The following DST variants were observed in gnomAD, a reference collection of about 807,000 sequenced individuals.
DST encodes bullous pemphigoid antigen.
In DST, 253 loss-of-function variants were observed where a neutral mutation model predicts 875.2. That is an observed-to-expected ratio of 0.29 (90% CI 0.26 to 0.32). DST has a LOEUF of 0.32. DST is among the 10% of genes least tolerant of loss of function. The pLI is 1.00. For missense variants in DST, 8,287 were observed against 9,111.6 expected (o/e 0.91, Z 3.68); for synonymous variants, 3,124 against 3,197.1 (o/e 0.98, Z 0.77).
At chr6:56,682,568 G>A (rs2099162025) in intron 9 of DST, among the ~76,000 whole-genome samples, 1 of 152,116 alleles carries the variant, frequency 6.6e-6, no homozygotes, top group Non-Finnish European at 1.5e-5. Context: ...GTCAATGACT[G>A]AAACACCAAT....
chr6:56,463,022 C>G, intron 102 of DST, 24 bp downstream of exon 102: 4 of 1,387,914 alleles, frequency 2.9e-6, no homozygotes, highest in Non-Finnish European at 2.0e-6. Context: ...AATGTTAAGA[C>G]TGGACTCTGG....
intron 61 of DST, among the ~76,000 whole-genome samples, chr6:56,538,181 G>C (rs981228927): frequency 2.0e-5 from 3 of 151,970 alleles, no homozygotes; most frequent in Admixed American, 6.6e-5. Flanking sequence ...GTAGAGACTG[G>C]GTCCCACTAT....
chr6:56,460,335 G>A (rs2094263766), intron 102 of DST, 81 bp from the exon 103 acceptor site: 1 of 1,483,734 alleles, frequency 6.7e-7, no homozygotes, highest in Admixed American at 1.7e-5. Flanking sequence ...CTTTACATAT[G>A]GGTGGAAACT....
At chr6:56,504,854 G>A (rs577321464) in intron 77 of DST, among the ~76,000 whole-genome samples, 2 of 151,616 alleles carry the variant, frequency 1.3e-5, no homozygotes, top group African/African-American at 2.4e-5. Context: ...TGCCACCATG[G>A]CTGGCTAATA....
intron 5 of DST, among the ~76,000 whole-genome samples, chr6:56,723,470 A>T (rs149277686): frequency 4.6e-5 from 7 of 152,290 alleles, no homozygotes; most frequent in Non-Finnish European, 8.8e-5. Context: ...AGGCTGAGGC[A>T]GGAGAATCGC....
intron 36 of DST, chr6:56,624,307 T>C (rs2098714847): frequency 3.1e-6 from 2 of 640,926 alleles, no homozygotes. Context: ...TGTAAAGTCA[T>C]GAAGTGAAAT....
At chr6:56,504,903 CTT>C (rs1029484588) in intron 77 of DST, among the ~76,000 whole-genome samples, 2 of 151,986 alleles carry the variant, frequency 1.3e-5, no homozygotes, top group South Asian at 2.1e-4. Flanking sequence ...TACTTCAGCT[CTT>C]GTTTTGACAG....
intron 8 of DST, among the ~76,000 whole-genome samples, chr6:56,700,889 A>G (rs954829280): frequency 1.3e-5 from 2 of 152,172 alleles, no homozygotes; most frequent in South Asian, 2.1e-4. Flanking sequence ...TTAATAGGGA[A>G]AAGCATTTTA....
At chr6:56,599,498 T>C (rs757087763) in intron 45 of DST, among the ~76,000 whole-genome samples, 1 of 152,090 alleles carries the variant, frequency 6.6e-6, no homozygotes. Context: ...GTGTGACCTA[T>C]GAAGAAACTG....
chr6:56,576,401 C>T (rs757672678), intron 50 of DST, among the ~76,000 whole-genome samples: 6 of 152,102 alleles, frequency 3.9e-5, no homozygotes, highest in African/African-American at 7.2e-5. Flanking sequence ...GTCTGAAATA[C>T]GGATCACAAT....
chr6:56,538,371 G>A (rs1015747271), intron 61 of DST, among the ~76,000 whole-genome samples: 1 of 134,376 alleles, frequency 7.4e-6, no homozygotes, highest in South Asian at 2.6e-4. Context: ...GTTTTACATC[G>A]ATATTAAGGT....
rs1355708345 is a variant in DST, at chr6:56,600,070, T to C, written c.11693A>G (p.Glu3898Gly). ...TGCTGATAGAAAACCAAATTCTACC[T>C]CTTGCTTGGACTGATATTTCTTTAA... Reference protein sequence around the residue: ...VELKKYQSKQEELQKDMQGSA... With the variant: ...VELKKYQSKQGELQKDMQGSA... The change falls in exon 45 of 104, where the codon GAG becomes GGG. Residue 3898 changes from glutamate (E) to glycine (G), a missense_variant and splice_region_variant. By Grantham distance (98) the Glu-to-Gly change is moderately conservative. Transcript: ENST00000680361. 6.2e-7 allele frequency: 1 copy of C among 1,610,124 alleles called. No individual in the cohort carries two copies. The highest frequency in any genetic ancestry group is 1.1e-5 in the South Asian group (1 of 90,220).
chr6:56,868,543 G>A (rs1220330134), intron 3 of DST, among the ~76,000 whole-genome samples: 1 of 152,064 alleles, frequency 6.6e-6, no homozygotes, highest in East Asian at 1.9e-4. Flanking sequence ...CTCTCCCAAT[G>A]CCACAACTCA....
At chr6:56,609,669 T>C (rs912475436) in intron 39 of DST, among the ~76,000 whole-genome samples, 1 of 152,130 alleles carries the variant, frequency 6.6e-6, no homozygotes, top group African/African-American at 2.4e-5. Context: ...AACACATATC[T>C]AGAAGGCAAA....
chr6:56,602,011 C>T (rs899553136), intron 43 of DST: 1 of 440,844 alleles, frequency 2.3e-6, no homozygotes, highest in African/African-American at 2.0e-5. Context: ...AAACATCTAC[C>T]TTAAAATATG....
chr6:56,874,798 C>T (rs1413979472), intron 3 of DST, among the ~76,000 whole-genome samples: 1 of 152,132 alleles, frequency 6.6e-6, no homozygotes, highest in Non-Finnish European at 1.5e-5. Flanking sequence ...AAGTAGATGC[C>T]AAAACTAACA....
intron 4 of DST, among the ~76,000 whole-genome samples, chr6:56,774,113 CAAA>C (rs59394529): frequency 2.0e-4 from 15 of 76,144 alleles, no homozygotes; most frequent in East Asian, 5.1e-4. Flanking sequence ...GATTCTGTCT[CAAA>C]AAAAAAAAAA....
At chr6:56,851,219 G>A (rs1317256149) in intron 4 of DST, 178 bp downstream of exon 4, 1 of 628,890 alleles carries the variant, frequency 1.6e-6, no homozygotes, top group Non-Finnish European at 2.7e-6. Context: ...CAGCAGGCAG[G>A]GCAAATGGCT....
rs571390395 is a variant in DST at position 56,864,563 on chromosome 6, T to C, written c.418-12959A>G. Among the ~76,000 whole-genome samples the C allele has an allele frequency of 8.6e-5, 13 of 151,548 alleles. No individual in the cohort carries two copies. In the South Asian group the frequency reaches 2.7e-3, roughly 31 times the overall value. ...CAGAGTGCTTCACCCAGCCCCATAA[T>C]TAACTACCCATACTACTACACAAGA... On this transcript the variant is annotated intron_variant, in intron 3 of 103. Coordinates refer to ENST00000680361, the MANE Select transcript of DST (RefSeq NM_001374736.1).
Sources: allele counts gnomAD v4.1 joint callset (sites outside exome capture counted in the v4.1 genomes callset), GRCh38; gene constraint gnomAD v4.1.1; transcripts MANE v1.5; gene names NCBI Gene and HGNC (gene_info 2026-07-23, HGNC 2026-07-21).